RGS7: variants seen among roughly 807,000 people sequenced by gnomAD.
RGS7 encodes the protein regulator of G protein signaling 7.
In RGS7, 27 loss-of-function variants were observed where a neutral mutation model predicts 81.1. The ratio of observed to expected loss-of-function variants is 0.33; its 90% CI spans 0.25 to 0.46. The LOEUF (loss-of-function observed/expected upper bound fraction) is 0.46. Ranked by LOEUF, RGS7 falls within the 20% of genes least tolerant of loss-of-function variation. The pLI is 1.00. For synonymous variants in RGS7, 208 were observed against 207.7 expected, an observed-to-expected ratio of 1.00 and a Z score of -0.01; for missense variants, 396 against 607.4, an observed-to-expected ratio of 0.65 and a Z score of 3.66.
intron 3 of RGS7, among the ~76,000 whole-genome samples, chr1:240,999,997 G>A (rs888867605): frequency 6.6e-6 from 1 of 152,134 alleles, no homozygotes; most frequent in Middle Eastern, 3.2e-3. Context: ...CACTCCTCCG[G>A]AAGAGGGAAA....
At chr1:241,309,230 T>C (rs1333488124) in intron 2 of RGS7, among the ~76,000 whole-genome samples, 3 of 151,374 alleles carry the variant, frequency 2.0e-5, no homozygotes, top group Non-Finnish European at 4.4e-5. Flanking sequence ...CTACTAAAAA[T>C]ACAAAATTAG....
intron 3 of RGS7, among the ~76,000 whole-genome samples, chr1:241,066,275 A>T (rs2062057498): frequency 6.6e-6 from 1 of 152,160 alleles, no homozygotes; most frequent in South Asian, 2.1e-4. Flanking sequence ...GTGCTCACTG[A>T]TATGTGGATA....
intron 2 of RGS7, among the ~76,000 whole-genome samples, chr1:241,352,468 CA>C (rs1426861354): frequency 6.6e-6 from 1 of 152,214 alleles, no homozygotes; most frequent in East Asian, 1.9e-4. Context: ...GCACTCTAAA[CA>C]GAAGAACTGA....
intron 2 of RGS7, among the ~76,000 whole-genome samples, chr1:241,131,595 G>A (rs934539704): frequency 5.3e-5 from 8 of 152,084 alleles, no homozygotes; most frequent in Non-Finnish European, 1.0e-4. Context: ...TGGGAGCTGG[G>A]GGCAAAGTAG....
chr1:241,008,239 TAA>T (rs751311507), intron 3 of RGS7, among the ~76,000 whole-genome samples: 16 of 152,296 alleles, frequency 1.1e-4, no homozygotes, highest in Admixed American at 5.2e-4. Context: ...ACTGAGCCTG[TAA>T]AAGAGTTTCT....
chr1:240,810,445 CTTTTT>C (rs5782164), intron 14 of RGS7, among the ~76,000 whole-genome samples: 22 of 124,616 alleles, frequency 1.8e-4, no homozygotes, highest in Non-Finnish European at 2.0e-4. Context: ...TTAATGCATT[CTTTTT>C]TTTTTTTTTT....
chr1:240,815,243 G>A (rs1360868628), intron 11 of RGS7, among the ~76,000 whole-genome samples: 1 of 152,212 alleles, frequency 6.6e-6, no homozygotes, highest in East Asian at 1.9e-4. Flanking sequence ...TCTGGGGGCT[G>A]AGGCAGGAGG....
chr1:241,243,918 A>C (rs1032606738), intron 2 of RGS7, among the ~76,000 whole-genome samples: 3 of 152,186 alleles, frequency 2.0e-5, no homozygotes, highest in Non-Finnish European at 4.4e-5. Context: ...AAGGACCATG[A>C]GATATGCAAA....
intron 3 of RGS7, among the ~76,000 whole-genome samples, chr1:241,013,599 T>C (rs547374446): frequency 6.6e-6 from 1 of 152,338 alleles, no homozygotes; most frequent in South Asian, 2.1e-4. Context: ...TTAAACAAGC[T>C]GCACTAGGGA....
At chr1:241,192,305 G>T (rs2072749933) in intron 2 of RGS7, among the ~76,000 whole-genome samples, 1 of 149,162 alleles carries the variant, frequency 6.7e-6, no homozygotes, top group Non-Finnish European at 1.5e-5. Context: ...CTTTGATTTT[G>T]ATTTGGCTTG....
At chr1:241,007,721 T>C (rs778488753) in intron 3 of RGS7, among the ~76,000 whole-genome samples, 5 of 152,176 alleles carry the variant, frequency 3.3e-5, no homozygotes, top group Non-Finnish European at 7.4e-5. Context: ...ATACTTGAAA[T>C]TTGAAGGAAG....
chr1:240,997,288 T>A (rs1302950181), intron 3 of RGS7, among the ~76,000 whole-genome samples: 3 of 152,146 alleles, frequency 2.0e-5, no homozygotes, highest in Non-Finnish European at 4.4e-5. Context: ...GCTCTAAATA[T>A]TTTTGAATGC....
chr1:240,876,909 C>T (rs1162935943), intron 6 of RGS7, among the ~76,000 whole-genome samples: 5 of 152,052 alleles, frequency 3.3e-5, no homozygotes, highest in African/African-American at 9.6e-5. Flanking sequence ...TGCAGTGAGC[C>T]GAGATCAGGC....
rs1286721769 is a variant in RGS7 at position 240,775,957 on chromosome 1, A to G, written c.*263T>C. The G allele has an allele frequency of 2.2e-5, 13 of 591,616 alleles. No individual in the cohort carries two copies. The highest frequency in any genetic ancestry group is 4.0e-5 in the Non-Finnish European group (13 of 322,724). The allele number at this position is 591,616 out of a possible 1,614,324, so 36.6% of individuals were successfully genotyped here. Reference sequence around the variant, plus strand: ...AGAGACACAGATCCAGCATAGTAGAAGGAGAAAGAAAGCAGACAACAGTTT... The same window carrying G: ...AGAGACACAGATCCAGCATAGTAGAGGGAGAAAGAAAGCAGACAACAGTTT... On this transcript the variant is annotated 3_prime_UTR_variant, in exon 19 of 19. Coordinates refer to ENST00000440928, the MANE Select transcript of RGS7 (RefSeq NM_001364886.1).
intron 6 of RGS7, among the ~76,000 whole-genome samples, chr1:240,871,643 C>T (rs1265221801): frequency 6.6e-6 from 1 of 152,184 alleles, no homozygotes; most frequent in African/African-American, 2.4e-5. Flanking sequence ...TTTCCTAATT[C>T]ATCATAACTG....
At chr1:240,774,908 T>G (rs769690236), downstream of RGS7, among the ~76,000 whole-genome samples, 9 of 152,216 alleles carry the variant, frequency 5.9e-5, no homozygotes, top group Non-Finnish European at 1.3e-4. Context: ...AGCATTTACA[T>G]TGTATCAGAT....
intron 18 of RGS7, among the ~76,000 whole-genome samples, chr1:240,784,593 C>T (rs1475724459): frequency 6.6e-6 from 1 of 151,736 alleles, no homozygotes; most frequent in African/African-American, 2.4e-5. Context: ...TTGCAGTGAA[C>T]CAAGATTGCT....
At chr1:241,106,330 A>G (rs558186162) in intron 2 of RGS7, among the ~76,000 whole-genome samples, 4 of 152,328 alleles carry the variant, frequency 2.6e-5, no homozygotes, top group African/African-American at 9.6e-5. Flanking sequence ...TGCCATTTTC[A>G]TGAATAATCG....
chr1:241,019,055 G>C (rs371905437), intron 3 of RGS7, among the ~76,000 whole-genome samples: 49 of 152,224 alleles, frequency 3.2e-4, no homozygotes, highest in African/African-American at 1.1e-3. Flanking sequence ...ATGAAAATCT[G>C]GTGCTGTTTT....
Sources: gnomAD v4.1 joint callset for allele counts (sites outside exome capture counted in the v4.1 genomes callset) on GRCh38, gnomAD v4.1.1 for gene constraint, MANE v1.5 for transcripts, NCBI Gene and HGNC (gene_info 2026-07-23, HGNC 2026-07-21) for gene names.